ZNF407: variants seen among roughly 807,000 people sequenced by gnomAD.
The protein encoded by ZNF407 is zinc finger protein 407.
A neutral mutation model predicts 131.2 loss-of-function variants in ZNF407; 17 were observed. The ratio of observed to expected loss-of-function variants is 0.13; its 90% confidence interval spans 0.09 to 0.19. The LOEUF is 0.19. ZNF407 is among the 10% of genes least tolerant of loss of function. The pLI is 1.00. For synonymous variants in ZNF407, 1,156 were observed against 1,062.0 expected, an observed-to-expected ratio of 1.09 and a Z score of -1.72; for missense variants, 2,681 against 2,830.6, an observed-to-expected ratio of 0.95 and a Z score of 1.20.
chr18:75,038,093 A>G (rs1337530345), intron 8 of ZNF407, among the ~76,000 whole-genome samples: 3 of 152,264 alleles, frequency 2.0e-5, no homozygotes, highest in Non-Finnish European at 2.9e-5. Context: ...CTCCAACATC[A>G]TTAATTACCA....
intron 2 of ZNF407, among the ~76,000 whole-genome samples, chr18:74,639,027 T>C (rs1276734523): frequency 6.6e-6 from 1 of 152,112 alleles, no homozygotes; most frequent in Non-Finnish European, 1.5e-5. Flanking sequence ...TGAAGAATAG[T>C]CAAGGCCTCC....
At position 74,635,849 on chromosome 18, in the gene ZNF407, A is replaced by C. The variant is rs905732904; in HGVS notation, c.4687+143A>C. The C allele has an allele frequency of 3.5e-6, 4 of 1,146,170 alleles. No homozygotes were observed. The African/African-American group carries it at 6.2e-5, about 18-fold the overall frequency. 71.0% of individuals were successfully genotyped at this position (1,146,170 alleles called of 1,614,324 possible). A position where few individuals can be genotyped will look rare whatever the true frequency, so the allele number is the denominator to read the frequency against. On this transcript the variant is annotated intron_variant, in intron 2 of 8. Transcript: ENST00000299687. The surrounding 1 kb of genome is among the most constrained non-coding windows in gnomAD (Gnocchi z 4.7). ...CCGTGTGCTGCTCTGCTTGTCTGCA[A>C]TAAGTCATTGTTGACACTTAACATT...
chr18:74,805,081 T>G (rs17244067), intron 4 of ZNF407, among the ~76,000 whole-genome samples: 1 of 152,190 alleles, frequency 6.6e-6, no homozygotes, highest in Non-Finnish European at 1.5e-5. Context: ...ATGACCTCTT[T>G]TTTCCCCCCA....
intron 3 of ZNF407, among the ~76,000 whole-genome samples, chr18:74,697,474 G>A (rs17055437): frequency 0.085 from 12,872 of 152,038 alleles, 741 homozygotes; most frequent in African/African-American, 0.16. Flanking sequence ...CAGTTTTCCA[G>A]GCATTGTCTC....
chr18:74,624,418 C>T (rs565362911), intron 1 of ZNF407, among the ~76,000 whole-genome samples: 169 of 152,140 alleles, frequency 1.1e-3, no homozygotes, highest in Admixed American at 2.0e-3. Context: ...CCTGCTGAAT[C>T]CCTTCTAGAT....
At chr18:74,727,503 A>G (rs934166594) in intron 3 of ZNF407, among the ~76,000 whole-genome samples, 1 of 152,184 alleles carries the variant, frequency 6.6e-6, no homozygotes, top group African/African-American at 2.4e-5. Flanking sequence ...CCTGTAATGC[A>G]GTACATTGCT....
intron 8 of ZNF407, 58 bp downstream of exon 8, chr18:74,920,750 G>T (rs755756846): frequency 7.2e-6 from 11 of 1,524,222 alleles, no homozygotes; most frequent in African/African-American, 2.7e-5. Context: ...GATCACAGCA[G>T]TTATAATGCT....
In ZNF407 at chr18:75,063,487, C is replaced by T. The variant is rs1405211897; in HGVS notation, c.5766C>T (p.Gly1922=). The T allele has an allele frequency of 6.3e-7, 1 of 1,597,870 alleles. No individual in the cohort carries two copies. Among genetic ancestry groups the T allele is most frequent in the South Asian group, 1.1e-5 (1 of 88,830 alleles). The change falls in exon 9 of 9, where the codon GGC becomes GGT. Residue 1922 remains glycine, a synonymous_variant. Transcript: ENST00000299687. The surrounding 1 kb of genome is among the most constrained non-coding windows in gnomAD (Gnocchi z 6.6). ...CGAGTCAGAGCGGGGCACATGTAGG[C>T]AGCGTGGTGCCCGGACCCATCCTCC... The part of the protein sequence containing the change: ...IATSQSGAHV[G]SVVPGPILPE...
chr18:74,898,513 C>T (rs528632625), intron 7 of ZNF407: 1 of 152,112 alleles, frequency 6.6e-6, no homozygotes, highest in Non-Finnish European at 1.5e-5. Context: ...TATTCAATAA[C>T]GCAGTGTGTA....
intron 3 of ZNF407, among the ~76,000 whole-genome samples, chr18:74,717,945 A>C (rs1967934867): frequency 6.6e-6 from 1 of 152,196 alleles, no homozygotes; most frequent in Non-Finnish European, 1.5e-5. Context: ...CTGTATTTGC[A>C]AATTTTTTCT....
At chr18:75,002,037 G>A (rs1187696182) in intron 8 of ZNF407, among the ~76,000 whole-genome samples, 1 of 152,168 alleles carries the variant, frequency 6.6e-6, no homozygotes, top group Non-Finnish European at 1.5e-5. Context: ...CAGAGAGCCC[G>A]GTCTCCACAG....
intron 3 of ZNF407, among the ~76,000 whole-genome samples, chr18:74,672,772 A>G (rs954633105): frequency 5.3e-5 from 8 of 152,204 alleles, no homozygotes; most frequent in African/African-American, 1.4e-4. Context: ...ACTTTGGGAA[A>G]GTAAATATTT....
intron 5 of ZNF407, 73 bp from the exon 6 acceptor site, chr18:74,880,963 C>G: frequency 7.6e-7 from 1 of 1,310,122 alleles, no homozygotes. Context: ...ATTAGTAACC[C>G]TGAAAGCCTT....
At chr18:74,739,893 T>C (rs1419875627) in intron 3 of ZNF407, among the ~76,000 whole-genome samples, 2 of 152,188 alleles carry the variant, frequency 1.3e-5, no homozygotes, top group Non-Finnish European at 2.9e-5. Context: ...AATGGAACTT[T>C]ATTATTGTTA....
chr18:75,054,508 G>C lies in ZNF407; in HGVS notation c.5429-8642G>C, dbSNP rs1392353790. Reference sequence around the variant, plus strand: ...CCAGAAAAAGAAAAAGGAAAAAGTTGAATCTGTCTTGTTAGCCTTTTAAAG... The same window carrying C: ...CCAGAAAAAGAAAAAGGAAAAAGTTCAATCTGTCTTGTTAGCCTTTTAAAG... On this transcript the variant is annotated intron_variant, in intron 8 of 8. Coordinates refer to ENST00000299687, the MANE Select transcript of ZNF407 (RefSeq NM_017757.3). Among the ~76,000 whole-genome samples, 4 of 152,194 alleles carry C rather than the reference G, an allele frequency of 2.6e-5. 1 individual carries two copies. Among genetic ancestry groups the C allele is most frequent in the Non-Finnish European group, 4.4e-5 (3 of 68,034 alleles).
chr18:74,914,320 A>G (rs1028817952), intron 7 of ZNF407, among the ~76,000 whole-genome samples: 1 of 152,208 alleles, frequency 6.6e-6, no homozygotes, highest in Non-Finnish European at 1.5e-5. Context: ...GAGAAAGGAC[A>G]GGGCAGAGCT....
At position 74,631,586 on chromosome 18, in the gene ZNF407, C is replaced by T. The variant is rs1218884597; in HGVS notation, c.567C>T (p.Ser189=). The stretch of plus-strand genomic sequence containing the variant: ...ATGTAGATACAGTTCTCAAATGCAG[C>T]ATCTGTGGGCATTTGTTTTCTTCTT... ...IGNVDTVLKC[S]ICGHLFSSCS... The change falls in exon 2 of 9, where the codon AGC becomes AGT. Residue 189 remains serine, a synonymous_variant. Transcript: ENST00000299687. 1.2e-6 allele frequency: 2 copies of T among 1,613,762 alleles called. No homozygotes were observed. Among genetic ancestry groups the T allele is most frequent in the South Asian group, 1.1e-5 (1 of 91,076 alleles).
intron 1 of ZNF407, among the ~76,000 whole-genome samples, chr18:74,616,746 A>C (rs1983303944): frequency 9.5e-6 from 1 of 105,470 alleles, no homozygotes; most frequent in Admixed American, 1.1e-4. Flanking sequence ...TCTCTTGCCT[A>C]CCACACACAT....
At chr18:74,667,946 T>TAAA (rs1448117006) in intron 3 of ZNF407, among the ~76,000 whole-genome samples, 1 of 152,184 alleles carries the variant, frequency 6.6e-6, no homozygotes, top group Non-Finnish European at 1.5e-5. Flanking sequence ...TACAATTTTG[T>TAAA]TTACTTTGAG....
Sources: gnomAD v4.1 joint callset for allele counts (sites outside exome capture counted in the v4.1 genomes callset) on GRCh38, gnomAD v4.1.1 for gene constraint, Gnocchi (gnomAD v3.1) non-coding constraint, MANE v1.5 for transcripts, NCBI Gene and HGNC (gene_info 2026-07-23, HGNC 2026-07-21) for gene names.